RGS7: variants seen among roughly 807,000 people sequenced by gnomAD.
The protein encoded by RGS7 is regulator of G-protein signaling 7.
Under a neutral mutation model 81.1 loss-of-function variants are expected in RGS7, and 27 were observed. That is an observed-to-expected ratio of 0.33 (90% CI 0.25 to 0.46). RGS7 has a LOEUF of 0.46. RGS7 is among the 20% of genes least tolerant of loss of function. The pLI is 1.00. For synonymous variants in RGS7, 208 were observed against 207.7 expected, an observed-to-expected ratio of 1.00 and a Z score of -0.01; for missense variants, 396 against 607.4, an observed-to-expected ratio of 0.65 and a Z score of 3.66.
At chr1:241,055,218 C>T (rs1046359976) in intron 3 of RGS7, among the ~76,000 whole-genome samples, 2 of 152,190 alleles carry the variant, frequency 1.3e-5, no homozygotes, top group Non-Finnish European at 2.9e-5. Context: ...ACACTATCTA[C>T]CCGGTGGTAG....
intron 3 of RGS7, among the ~76,000 whole-genome samples, chr1:241,002,496 G>C (rs952334496): frequency 6.7e-6 from 1 of 149,670 alleles, no homozygotes; most frequent in Non-Finnish European, 1.5e-5. Context: ...AGACATTTTT[G>C]CAATCAACTG....
At chr1:241,292,694 C>T (rs1338241815) in intron 2 of RGS7, among the ~76,000 whole-genome samples, 1 of 152,154 alleles carries the variant, frequency 6.6e-6, no homozygotes, top group East Asian at 1.9e-4. Flanking sequence ...GTGCACAAGC[C>T]ATTTACTCTA....
At chr1:241,176,053 T>C (rs1426037326) in intron 2 of RGS7, among the ~76,000 whole-genome samples, 2 of 152,196 alleles carry the variant, frequency 1.3e-5, no homozygotes, top group Non-Finnish European at 2.9e-5. Context: ...ACTTACCACC[T>C]TTCTATGAGA....
chr1:241,321,182 T>C (rs1045314990), intron 2 of RGS7, among the ~76,000 whole-genome samples: 1 of 152,214 alleles, frequency 6.6e-6, no homozygotes, highest in African/African-American at 2.4e-5. Context: ...ATAAATTTCT[T>C]CTTAAATTGT....
At chr1:240,977,337 TA>T (rs1166094397) in intron 4 of RGS7, among the ~76,000 whole-genome samples, 8 of 152,238 alleles carry the variant, frequency 5.3e-5, no homozygotes, top group African/African-American at 1.9e-4. Flanking sequence ...ATTGTAAGAC[TA>T]ATGCAATTTA....
intron 10 of RGS7, among the ~76,000 whole-genome samples, chr1:240,817,878 C>T (rs965463016): frequency 1.3e-5 from 2 of 152,168 alleles, no homozygotes; most frequent in African/African-American, 2.4e-5. Context: ...GCTGGGATTA[C>T]AGGCGTGAGC....
chr1:240,858,704 A>G (rs1209533064), intron 9 of RGS7, among the ~76,000 whole-genome samples: 1 of 152,204 alleles, frequency 6.6e-6, no homozygotes, highest in Non-Finnish European at 1.5e-5. Flanking sequence ...AAAAGATTTT[A>G]ATTTTAATGA....
chr1:241,190,046 T>G (rs1164008953), intron 2 of RGS7, among the ~76,000 whole-genome samples: 2 of 151,822 alleles, frequency 1.3e-5, no homozygotes, highest in Non-Finnish European at 2.9e-5. Flanking sequence ...GAGCTTGCAG[T>G]GAGCCGAGAT....
rs571025256 is a variant in RGS7 at position 240,800,318 on chromosome 1, C to T, written c.*6+323G>A. On this transcript the variant is annotated intron_variant, in intron 18 of 18. Coordinates refer to ENST00000440928, the MANE Select transcript of RGS7 (RefSeq NM_001364886.1). ...TTCCTGGAGTCCATCATTCTCCATC[C>T]CTTTAATTCATGCAATCACATTGAA... Among the ~76,000 whole-genome samples the T allele has an allele frequency of 4.1e-3, 619 of 152,220 alleles. 6 individuals carry two copies. Among genetic ancestry groups the T allele is most frequent in the African/African-American group, 0.015 (607 of 41,540 alleles).
intron 3 of RGS7, among the ~76,000 whole-genome samples, chr1:241,093,646 T>TA (rs2064043056): frequency 6.6e-6 from 1 of 152,052 alleles, no homozygotes; most frequent in African/African-American, 2.4e-5. Context: ...TAAAATAAAG[T>TA]AAAATAAAAA....
chr1:241,107,801 ATTTTGGGGCAAAAACTTTGAT>A (rs2065218604), intron 2 of RGS7, among the ~76,000 whole-genome samples: 1 of 152,212 alleles, frequency 6.6e-6, no homozygotes. Context: ...CCATACCTGA[ATTTTGGGGCAAAAACTTTGAT>A]TTATAACACT....
chr1:241,185,601 A>G (rs2072026766), intron 2 of RGS7, among the ~76,000 whole-genome samples: 2 of 152,150 alleles, frequency 1.3e-5, no homozygotes, highest in African/African-American at 2.4e-5. Context: ...TATAAAACAA[A>G]CTTTAACAAA....
intron 3 of RGS7, chr1:240,998,333 T>C (rs1687604914): frequency 2.2e-6 from 1 of 449,384 alleles, no homozygotes; most frequent in Middle Eastern, 6.5e-4. Context: ...TCTCAGCTTC[T>C]TCAACTGAAG....
intron 10 of RGS7, among the ~76,000 whole-genome samples, chr1:240,820,732 T>C (rs557297305): frequency 1.3e-5 from 2 of 152,268 alleles, no homozygotes; most frequent in East Asian, 3.9e-4. Context: ...AGATATTAAA[T>C]CTGCTGGTGC....
At chr1:241,040,455 T>C (rs761286779) in intron 3 of RGS7, among the ~76,000 whole-genome samples, 15 of 152,076 alleles carry the variant, frequency 9.9e-5, no homozygotes, top group Non-Finnish European at 1.9e-4. Context: ...TGAGAATATA[T>C]GTAGACTCAC....
At chr1:241,112,414 T>A (rs2065582672) in intron 2 of RGS7, among the ~76,000 whole-genome samples, 1 of 152,030 alleles carries the variant, frequency 6.6e-6, no homozygotes, top group African/African-American at 2.4e-5. Flanking sequence ...CATGAAACAA[T>A]ACCATGTTTC....
chr1:241,070,890 A>T (rs536306313), intron 3 of RGS7, among the ~76,000 whole-genome samples: 19 of 152,294 alleles, frequency 1.2e-4, no homozygotes, highest in Non-Finnish European at 2.2e-4. Flanking sequence ...TGGGCATAAA[A>T]ATATGTCCAT....
chr1:241,314,106 A>G (rs1267390483), intron 2 of RGS7, among the ~76,000 whole-genome samples: 1 of 152,238 alleles, frequency 6.6e-6, no homozygotes, highest in Non-Finnish European at 1.5e-5. Context: ...AGGATTTAAA[A>G]TATTACATAA....
At chr1:241,013,067 T>A (rs1317336185) in intron 3 of RGS7, among the ~76,000 whole-genome samples, 2 of 146,056 alleles carry the variant, frequency 1.4e-5, no homozygotes, top group Admixed American at 6.9e-5. Context: ...TTTTTTTTTT[T>A]TTTTTTTTTT....
Sources: gnomAD v4.1 joint callset for allele counts (sites outside exome capture counted in the v4.1 genomes callset) on GRCh38, gnomAD v4.1.1 for gene constraint, MANE v1.5 for transcripts, NCBI Gene and HGNC (gene_info 2026-07-23, HGNC 2026-07-21) for gene names.